Variants in PCDHGA11 observed in about 807,000 individuals in gnomAD.
PCDHGA11 encodes protocadherin gamma subfamily A, 11.
In PCDHGA11, 39 loss-of-function variants were observed where a neutral mutation model predicts 60.4. The observed-to-expected ratio is 0.65, with a 90% confidence interval of 0.50 to 0.84. PCDHGA11 has a LOEUF of 0.84. Ranked by LOEUF, PCDHGA11 falls within the 40% of genes least tolerant of loss-of-function variation. The pLI is 0.00. For missense variants in PCDHGA11, 1,165 were observed against 1,197.7 expected, an observed-to-expected ratio of 0.97 and a Z score of 0.40; for synonymous variants, 533 against 510.3, an observed-to-expected ratio of 1.04 and a Z score of -0.60.
At chr5:141,478,329 C>T (rs1295950117) in intron 1 of PCDHGA11, 1 of 1,613,982 alleles carries the variant, frequency 6.2e-7, no homozygotes, top group African/African-American at 1.3e-5. Context: ...TACCGAACAC[C>T]AGGGCCCTCC....
chr5:141,428,646 C>T (rs542682298), intron 1 of PCDHGA11: 7 of 170,630 alleles, frequency 4.1e-5, no homozygotes, highest in South Asian at 3.0e-4. Flanking sequence ...CTCCTACTCA[C>T]GTGAGTTCCA....
intron 1 of PCDHGA11, among the ~76,000 whole-genome samples, chr5:141,444,482 T>G (rs1346576719): frequency 6.6e-6 from 1 of 152,000 alleles, no homozygotes; most frequent in Non-Finnish European, 1.5e-5. Context: ...CGTACTGGAT[T>G]TATATTGTGT....
chr5:141,443,216 C>T (rs758242896), intron 1 of PCDHGA11, among the ~76,000 whole-genome samples: 3 of 151,908 alleles, frequency 2.0e-5, no homozygotes, highest in South Asian at 2.1e-4. Context: ...TCTCGCCAGG[C>T]GCATCTATAA....
intron 1 of PCDHGA11, among the ~76,000 whole-genome samples, chr5:141,466,063 A>G (rs554503713): frequency 3.3e-5 from 5 of 152,268 alleles, no homozygotes; most frequent in Admixed American, 6.5e-5. Context: ...CGGAGCTTGC[A>G]GTGAGCTGAT....
At chr5:141,498,830 G>T (rs2099786149) in intron 2 of PCDHGA11, among the ~76,000 whole-genome samples, 1 of 152,080 alleles carries the variant, frequency 6.6e-6, no homozygotes, top group Non-Finnish European at 1.5e-5. Context: ...CTACTCAGGA[G>T]GCTGAGGCAG....
Position 141,423,660 on chromosome 5 carries a change from G to A in PCDHGA11, c.2433G>A (p.Gln811=), listed in dbSNP as rs765304048. ...GCAAATGTGACCCGACAAGTAATCA[G>A]GTGAGATTTATTTCTCTGCCTCCTA... ...ILGKCDPTSN[Q]QAPPNTDWRF... is the part of the protein sequence containing the mutation. The change falls in exon 1 of 4, where the codon CAG becomes CAA. Residue 811 remains glutamine (Q), a splice_region_variant and synonymous_variant. Transcript: ENST00000398587. The A allele has an allele frequency of 6.4e-7, 1 of 1,560,482 alleles. No homozygotes were observed. The highest frequency in any genetic ancestry group is 1.9e-5 in the Admixed American group (1 of 52,162).
rs149653507 is a variant in PCDHGA11 at position 141,469,869 on chromosome 5, G to A, written c.2434-24938G>A. Among the ~76,000 whole-genome samples, 591 of 152,290 alleles carry A rather than the reference G, an allele frequency of 3.9e-3. 6 individuals are homozygous for A. Among genetic ancestry groups the A allele is most frequent in the Admixed American group, 0.011 (171 of 15,304 alleles). On this transcript the variant is annotated intron_variant, in intron 1 of 3. Transcript: ENST00000398587. ...ATTCAGACCGGGTGCAATGGCTCACGCCTGTAATCTCGGCACTTTGGGAAG... is the reference window on the plus strand; with the variant it reads ...ATTCAGACCGGGTGCAATGGCTCACACCTGTAATCTCGGCACTTTGGGAAG...
chr5:141,444,965 A>C (rs561160996), intron 1 of PCDHGA11, among the ~76,000 whole-genome samples: 18 of 152,234 alleles, frequency 1.2e-4, no homozygotes, highest in South Asian at 6.2e-4. Context: ...CAATATTGAC[A>C]CTTCAAATCC....
chr5:141,460,333 G>A (rs2098986532), intron 1 of PCDHGA11, among the ~76,000 whole-genome samples: 1 of 152,056 alleles, frequency 6.6e-6, no homozygotes, highest in African/African-American at 2.4e-5. Context: ...AACTTATGAT[G>A]ATTTTCTCCT....
In PCDHGA11 at chr5:141,431,746, G is replaced by C. The variant is rs780453684; in HGVS notation, c.2433+8086G>C. 6.2e-7 allele frequency: 1 copy of C among 1,614,062 alleles called. No individual in the cohort carries two copies. Among genetic ancestry groups the C allele is most frequent in the African/African-American group, 1.3e-5 (1 of 74,932 alleles). On this transcript the variant is annotated intron_variant, in intron 1 of 3. Transcript: ENST00000398587. The surrounding 1 kb of genome is among the most constrained non-coding windows in gnomAD (Gnocchi z 4.8). ...CAATGGATAATGCAGGATATTCTGC[G>C]CGAGCCAAAGTCCTGATCACTGTTC... is the stretch of plus-strand genomic sequence containing the variant.
chr5:141,469,213 G>A (rs866405809), intron 1 of PCDHGA11, among the ~76,000 whole-genome samples: 21 of 150,912 alleles, frequency 1.4e-4, no homozygotes, highest in African/African-American at 5.1e-4. Flanking sequence ...TGAAGTTGAG[G>A]CTTCAGTGAG....
chr5:141,422,167 A>G lies in PCDHGA11; in HGVS notation c.940A>G (p.Arg314Gly). The change falls in exon 1 of 4, where the codon AGA (arginine) becomes GGA (glycine). Residue 314 changes from arginine (R) to glycine (G), a missense_variant. Transcript: ENST00000398587. ...GGGGTCTCTGGATTTTGAAAAATAT[A>G]GATTCTATGAGATGGAAATTCAAGG... ...VRGSLDFEKYRFYEMEIQGQD... is the reference protein window; with the variant it reads ...VRGSLDFEKYGFYEMEIQGQD... 6.4e-7 allele frequency: 1 copy of G among 1,562,764 alleles called. No individual in the cohort carries two copies. The highest frequency in any genetic ancestry group is 8.6e-7 in the Non-Finnish European group (1 of 1,159,934).
Position 141,432,267 on chromosome 5 carries a change from C to T in PCDHGA11, c.2433+8607C>T, listed in dbSNP as rs746089276. 4.3e-6 allele frequency: 7 copies of T among 1,614,244 alleles called. No homozygotes were observed. On this transcript the variant is annotated intron_variant, in intron 1 of 3. Transcript: ENST00000398587. The surrounding 1 kb of genome is among the most constrained non-coding windows in gnomAD (Gnocchi z 6.0). ...ACCATCCAAGGGGCAAGCCTATCGT[C>T]CTACGTGTCCATCAACTCCGACACT...
chr5:141,456,878 G>A (rs71583646), intron 1 of PCDHGA11, among the ~76,000 whole-genome samples: 21 of 152,162 alleles, frequency 1.4e-4, no homozygotes, highest in African/African-American at 2.4e-4. Flanking sequence ...CAGGAGAATC[G>A]CTTGAACCCG....
intron 2 of PCDHGA11, among the ~76,000 whole-genome samples, chr5:141,501,536 G>A (rs570102957): frequency 5.9e-5 from 9 of 152,054 alleles, no homozygotes; most frequent in African/African-American, 2.2e-4. Context: ...GTACGTTGTT[G>A]TGCATAAGAT....
intron 1 of PCDHGA11, among the ~76,000 whole-genome samples, chr5:141,484,597 A>C (rs1345278081): frequency 1.3e-5 from 2 of 152,070 alleles, no homozygotes; most frequent in African/African-American, 4.8e-5. Flanking sequence ...CTCATTTAGA[A>C]TACTGGTTGA....
At position 141,485,184 on chromosome 5, in the gene PCDHGA11, A is replaced by G. The variant is rs1415940980; in HGVS notation, c.2434-9623A>G. ...TAGCGGGCGGCAGCAATGCTCCGCA[A>G]GGTGAGAAGCTGGACAGAAATCTGG... On this transcript the variant is annotated intron_variant, in intron 1 of 3. Transcript: ENST00000398587. This position sits in a 1 kb window ranked among gnomAD's most constrained non-coding sequence, Gnocchi z 5.7. The G allele has an allele frequency of 6.2e-7, 1 of 1,613,152 alleles. No individual in the cohort carries two copies. The highest frequency in any genetic ancestry group is 1.3e-5 in the African/African-American group (1 of 74,938).
rs752660538 is a variant in PCDHGA11 at position 141,486,495 on chromosome 5, T to C, written c.2434-8312T>C. 1 of 1,614,074 alleles carries C rather than the reference T, an allele frequency of 6.2e-7. No individual in the cohort carries two copies. The highest frequency in any genetic ancestry group is 8.5e-7 in the Non-Finnish European group (1 of 1,179,922). On this transcript the variant is annotated intron_variant, in intron 1 of 3. Transcript: ENST00000398587. The surrounding 1 kb of genome is among the most constrained non-coding windows in gnomAD (Gnocchi z 5.0). ...CCTCCTCTCAGTACCCACAGAACTA[T>C]TTTCCTCAATATTTCAGATGTGAAT...
Position 141,453,588 on chromosome 5 carries a change from CTG to C in PCDHGA11, c.2433+29932_2433+29933del, listed in dbSNP as rs572244169. ...TTCATTAGTTTGTGGTTTATCCTCA[CTG>C]TGTTTCTTTTTGCAAAACGCAAAAA... On this transcript the variant is annotated intron_variant, in intron 1 of 3. Coordinates refer to ENST00000398587, the MANE Select transcript of PCDHGA11 (RefSeq NM_018914.3). Among the ~76,000 whole-genome samples the C allele has an allele frequency of 5.9e-5, 9 of 152,296 alleles. No individual in the cohort carries two copies. In the South Asian group the frequency reaches 1.5e-3, roughly 25 times the overall value.
Sources: gnomAD v4.1 joint callset for allele counts (sites outside exome capture counted in the v4.1 genomes callset) on GRCh38, gnomAD v4.1.1 for gene constraint, Gnocchi (gnomAD v3.1) non-coding constraint, MANE v1.5 for transcripts, NCBI Gene and HGNC (gene_info 2026-07-23, HGNC 2026-07-21) for gene names.